OCA2: variants seen among roughly 807,000 people sequenced by gnomAD.
OCA2 encodes P protein.
OCA2 carries 77 observed loss-of-function variants against 100.2 expected under a neutral mutation model. The ratio of observed to expected loss-of-function variants is 0.77; its 90% CI spans 0.64 to 0.93. The LOEUF (loss-of-function observed/expected upper bound fraction) is 0.93. OCA2 is among the 40% of genes least tolerant of loss of function. OCA2 has a pLI of 0.00. For missense variants in OCA2, 1,062 were observed against 1,089.1 expected, an observed-to-expected ratio of 0.98 and a Z score of 0.35; for synonymous variants, 432 against 439.2, an observed-to-expected ratio of 0.98 and a Z score of 0.21.
chr15:27,845,111 C>G, intron 22 of OCA2, 59 bp from the exon 23 acceptor site: 1 of 1,277,816 alleles, frequency 7.8e-7, no homozygotes, highest in South Asian at 1.2e-5. Context: ...CTTCTGTTCT[C>G]TTTGGTTTGT....
chr15:27,736,705 C>A, the OCA2 span, among the ~76,000 whole-genome samples: 1 of 152,174 alleles, frequency 6.6e-6, no homozygotes, highest in African/African-American at 2.4e-5. Context: ...CAAGTTCCCA[C>A]CTCCTGTAAA....
chr15:28,050,239 C>G (rs1476534643), intron 2 of OCA2, among the ~76,000 whole-genome samples: 1 of 152,024 alleles, frequency 6.6e-6, no homozygotes, highest in African/African-American at 2.4e-5. Context: ...GAGCTTTGAT[C>G]GCACCATTGC....
intron 2 of OCA2, among the ~76,000 whole-genome samples, chr15:28,069,223 T>C (rs903391542): frequency 4.6e-5 from 7 of 151,988 alleles, no homozygotes; most frequent in Admixed American, 3.3e-4. Context: ...TAAATGACTT[T>C]AGTAAAATTT....
chr15:28,094,118 T>A (rs923464618), intron 1 of OCA2, among the ~76,000 whole-genome samples: 16 of 152,192 alleles, frequency 1.1e-4, no homozygotes, highest in African/African-American at 3.1e-4. Flanking sequence ...TCCCACAGCC[T>A]GTCCCTTAGG....
chr15:27,890,959 A>T, intron 19 of OCA2, among the ~76,000 whole-genome samples: 1 of 152,040 alleles, frequency 6.6e-6, no homozygotes, highest in African/African-American at 2.4e-5. Flanking sequence ...TGGGAGGCAG[A>T]GGTGGCAGTG....
At chr15:28,094,765 C>G (rs1241722518) in intron 1 of OCA2, among the ~76,000 whole-genome samples, 1 of 152,198 alleles carries the variant, frequency 6.6e-6, no homozygotes, top group African/African-American at 2.4e-5. Context: ...GCACCGTTCT[C>G]TCCGAGGCCC....
At chr15:28,073,398 G>C (rs891316256) in intron 2 of OCA2, among the ~76,000 whole-genome samples, 4 of 152,160 alleles carry the variant, frequency 2.6e-5, no homozygotes, top group African/African-American at 7.2e-5. Flanking sequence ...TGGGCAACAA[G>C]AGCGAAACTC....
chr15:28,033,269 A>G (rs1420315672), intron 2 of OCA2, among the ~76,000 whole-genome samples: 1 of 152,234 alleles, frequency 6.6e-6, no homozygotes, highest in African/African-American at 2.4e-5. Context: ...TTATATGCTG[A>G]TGCATTGCCT....
At chr15:27,771,099 A>G (rs1380877289) in intron 23 of OCA2, among the ~76,000 whole-genome samples, 1 of 61,876 alleles carries the variant, frequency 1.6e-5, no homozygotes, top group African/African-American at 4.8e-5. Context: ...TTCTCCCTCC[A>G]TTTTTTGCTT....
downstream of OCA2, among the ~76,000 whole-genome samples, chr15:27,751,181 G>T (rs1351956935): frequency 6.6e-6 from 1 of 152,200 alleles, no homozygotes; most frequent in African/African-American, 2.4e-5. Context: ...CCTTAAGACA[G>T]AATAGAGGCT....
the OCA2 span, among the ~76,000 whole-genome samples, chr15:27,740,874 T>A: frequency 6.6e-6 from 1 of 152,206 alleles, no homozygotes; most frequent in East Asian, 1.9e-4. Context: ...CTCACGAGTC[T>A]CCAGCCTCCT....
intron 23 of OCA2, among the ~76,000 whole-genome samples, chr15:27,756,928 C>T (rs966440075): frequency 4.6e-5 from 7 of 152,304 alleles, no homozygotes; most frequent in East Asian, 3.9e-4. Context: ...ATGGCACCAA[C>T]GCAGAGAAGG....
In OCA2 at chr15:27,966,716, T is replaced by C; in HGVS notation, c.1610A>G (p.Tyr537Cys). The change falls in exon 15 of 24, where the codon TAT (tyrosine) becomes TGT (cysteine). Residue 537 changes from tyrosine (Y) to cysteine (C), a missense_variant. Physicochemically the swap from Tyr to Cys is radical, Grantham distance 194. Coordinates refer to ENST00000354638, the MANE Select transcript of OCA2 (RefSeq NM_000275.3). ...AACAATCTCACTGGGTTCCTTGTTA[T>C]AAAGCTTTCTGTTCCAGTAAAGGAG... ...LRLLYWNRKL[Y>C]NKEPSEIVEL... The C allele has an allele frequency of 6.2e-7, 1 of 1,614,062 alleles. No homozygotes were observed. Among genetic ancestry groups the C allele is most frequent in the Non-Finnish European group, 8.5e-7 (1 of 1,180,022 alleles).
chr15:27,886,875 G>A (rs1324715409), intron 19 of OCA2, among the ~76,000 whole-genome samples: 2 of 152,174 alleles, frequency 1.3e-5, no homozygotes, highest in Non-Finnish European at 1.5e-5. Flanking sequence ...TAAGAGGAGA[G>A]GAAACTGTTT....
At chr15:27,726,854 T>C in the OCA2 span, among the ~76,000 whole-genome samples, 1 of 152,260 alleles carries the variant, frequency 6.6e-6, no homozygotes, top group Non-Finnish European at 1.5e-5. Flanking sequence ...TCTCAGCCAC[T>C]GTTGAGATGG....
At chr15:28,011,870 T>C (rs1197989413) in intron 9 of OCA2, among the ~76,000 whole-genome samples, 1 of 150,308 alleles carries the variant, frequency 6.7e-6, no homozygotes, top group Non-Finnish European at 1.5e-5. Context: ...TGAGCCGAGA[T>C]TGGACCATTG....
At chr15:27,924,388 T>C (rs2038971890) in intron 19 of OCA2, among the ~76,000 whole-genome samples, 4 of 120,974 alleles carry the variant, frequency 3.3e-5, no homozygotes, top group Non-Finnish European at 6.9e-5. Context: ...CAAGGGTCAA[T>C]TGTATGTCTT....
chr15:27,849,701 C>G (rs916005345), intron 22 of OCA2, among the ~76,000 whole-genome samples: 1 of 152,136 alleles, frequency 6.6e-6, no homozygotes, highest in Non-Finnish European at 1.5e-5. Context: ...AGAGCTTCAG[C>G]CTGGGCTGGT....
chr15:28,024,820 G>C (rs2042699989), intron 5 of OCA2, 25 bp downstream of exon 5: 1 of 1,613,330 alleles, frequency 6.2e-7, no homozygotes, highest in Non-Finnish European at 8.5e-7. Flanking sequence ...CCCAACAGTA[G>C]TGCTGGGGCA....
Sources: allele counts gnomAD v4.1 joint callset (sites outside exome capture counted in the v4.1 genomes callset), GRCh38; gene constraint gnomAD v4.1.1; transcripts MANE v1.5; gene names NCBI Gene and HGNC (gene_info 2026-07-23, HGNC 2026-07-21).